The following ROBO1 variants were observed in gnomAD, a reference collection of about 807,000 sequenced individuals.
The protein encoded by ROBO1 is roundabout guidance receptor 1, also known as roundabout homolog 1.
Under a neutral mutation model 195.9 loss-of-function variants are expected in ROBO1, and 149 were observed. The ratio of observed to expected loss-of-function variants is 0.76; its 90% CI spans 0.67 to 0.87. The LOEUF (loss-of-function observed/expected upper bound fraction) is 0.87. Among genes scored for constraint, ROBO1 ranks in the 40% least tolerant of loss-of-function variants. The pLI, the probability that ROBO1 is intolerant of heterozygous loss-of-function variation, is 0.00. For synonymous variants in ROBO1, 816 were observed against 733.2 expected (o/e 1.11, Z -1.82); for missense variants, 1,933 against 2,068.3 (o/e 0.93, Z 1.27).
At chr3:79,039,072 A>T (rs2078433465) in intron 3 of ROBO1, among the ~76,000 whole-genome samples, 1 of 152,220 alleles carries the variant, frequency 6.6e-6, no homozygotes, top group Non-Finnish European at 1.5e-5. Flanking sequence ...CGATGATTGA[A>T]GACTCATTTT....
intron 2 of ROBO1, among the ~76,000 whole-genome samples, chr3:79,569,803 A>C (rs1249809093): frequency 3.3e-5 from 5 of 152,084 alleles, no homozygotes; most frequent in Non-Finnish European, 7.3e-5. Context: ...AAACTGAAAG[A>C]TAATGAGGTA....
intron 4 of ROBO1, among the ~76,000 whole-genome samples, chr3:78,849,209 C>T (rs1210910709): frequency 1.3e-5 from 2 of 152,158 alleles, no homozygotes; most frequent in South Asian, 2.1e-4. Context: ...GATGGGTGGG[C>T]AATTCCGTGG....
intron 3 of ROBO1, among the ~76,000 whole-genome samples, chr3:79,086,177 A>G (rs1170244193): frequency 6.6e-6 from 1 of 151,974 alleles, no homozygotes; most frequent in East Asian, 1.9e-4. Flanking sequence ...TATTGTATCC[A>G]AAGAAGTCCC....
intron 2 of ROBO1, among the ~76,000 whole-genome samples, chr3:79,158,104 T>C (rs181307652): frequency 6.6e-4 from 100 of 151,896 alleles, no homozygotes; most frequent in Non-Finnish European, 1.1e-3. Context: ...ACCAAGACTT[T>C]AGGGCTTCAT....
Position 78,685,836 on chromosome 3 carries a change from C to G in ROBO1, c.1252G>C (p.Val418Leu), listed in dbSNP as rs750765852. ...TAATAACCAACATCAGATCGCTGGA[C>G]ATTAGTAATTGTGAGGTCGCCAGTC... ...SQTGDLTITN[V>L]QRSDVGYYIC... Residue 418 changes from valine to leucine, a missense_variant, in exon 10 of 31, where the codon GTC becomes CTC. Transcript: ENST00000464233. 2 of 1,611,310 alleles carry G rather than the reference C, an allele frequency of 1.2e-6. No individual in the cohort carries two copies. The highest frequency in any genetic ancestry group is 1.7e-6 in the Non-Finnish European group (2 of 1,178,370).
intron 2 of ROBO1, among the ~76,000 whole-genome samples, chr3:79,584,753 A>T (rs1943774902): frequency 6.6e-6 from 1 of 150,806 alleles, no homozygotes; most frequent in Non-Finnish European, 1.5e-5. Flanking sequence ...TGCAACCTTC[A>T]CTAAGCACCA....
At chr3:79,297,304 T>C (rs1198629344) in intron 2 of ROBO1, among the ~76,000 whole-genome samples, 1 of 152,184 alleles carries the variant, frequency 6.6e-6, no homozygotes, top group Non-Finnish European at 1.5e-5. Context: ...GTCAACCCAC[T>C]ATAGAGTACA....
chr3:79,520,689 A>G (rs562307008), intron 2 of ROBO1, among the ~76,000 whole-genome samples: 10 of 152,314 alleles, frequency 6.6e-5, no homozygotes, highest in Admixed American at 1.3e-4. Flanking sequence ...GATTACACGG[A>G]TGATATAAAA....
chr3:78,680,632 G>A (rs928653229), intron 10 of ROBO1, among the ~76,000 whole-genome samples: 1,596 of 150,572 alleles, frequency 0.011, 36 homozygotes, highest in African/African-American at 0.037. Context: ...ACCACAATGA[G>A]ATACCATCTC....
intron 3 of ROBO1, among the ~76,000 whole-genome samples, chr3:79,037,948 T>C (rs2078410094): frequency 6.6e-6 from 1 of 152,182 alleles, no homozygotes; most frequent in Non-Finnish European, 1.5e-5. Flanking sequence ...AAAGTAGTTT[T>C]AAGTTTAATT....
At chr3:79,018,306 G>A in intron 3 of ROBO1, 2 of 1,367,668 alleles carry the variant, frequency 1.5e-6, no homozygotes, top group Non-Finnish European at 2.1e-6. Context: ...CCGGCCTTAG[G>A]AGGGAGGGGT....
At chr3:79,310,187 G>C (rs1174817412) in intron 2 of ROBO1, among the ~76,000 whole-genome samples, 1 of 152,050 alleles carries the variant, frequency 6.6e-6, no homozygotes, top group Admixed American at 6.6e-5. Flanking sequence ...CAACACTACT[G>C]GACCATAACA....
At chr3:79,746,901 C>G (rs925920517) in intron 1 of ROBO1, among the ~76,000 whole-genome samples, 1 of 151,966 alleles carries the variant, frequency 6.6e-6, no homozygotes, top group Non-Finnish European at 1.5e-5. Context: ...TCTAATTTAG[C>G]TTTAATTCAA....
intron 1 of ROBO1, among the ~76,000 whole-genome samples, chr3:79,689,078 T>G (rs956793129): frequency 6.6e-6 from 1 of 151,990 alleles, no homozygotes; most frequent in Non-Finnish European, 1.5e-5. Context: ...ACACGCGTTT[T>G]TTATATATAG....
chr3:79,167,929 T>G (rs1007098333), intron 2 of ROBO1, among the ~76,000 whole-genome samples: 2 of 152,208 alleles, frequency 1.3e-5, no homozygotes, highest in Non-Finnish European at 2.9e-5. Flanking sequence ...AGTTAATATA[T>G]GCATGGGAAG....
intron 3 of ROBO1, among the ~76,000 whole-genome samples, chr3:78,985,851 C>T (rs1426702211): frequency 2.0e-5 from 3 of 152,066 alleles, no homozygotes; most frequent in South Asian, 4.1e-4. Flanking sequence ...ATACATGTTG[C>T]TAAAGTATCA....
intron 2 of ROBO1, among the ~76,000 whole-genome samples, chr3:79,580,662 A>AT (rs1258074842): frequency 1.3e-5 from 2 of 152,148 alleles, no homozygotes; most frequent in African/African-American, 4.8e-5. Context: ...AAATGAATTT[A>AT]AATATATTCA....
intron 2 of ROBO1, among the ~76,000 whole-genome samples, chr3:79,584,502 T>A (rs1943758556): frequency 6.6e-6 from 1 of 151,322 alleles, no homozygotes; most frequent in Admixed American, 6.6e-5. Flanking sequence ...ACTAAATCAA[T>A]GAGCAGAGTG....
intron 3 of ROBO1, among the ~76,000 whole-genome samples, chr3:79,013,736 A>G (rs2077847909): frequency 6.6e-6 from 1 of 152,206 alleles, no homozygotes; most frequent in African/African-American, 2.4e-5. Flanking sequence ...AGGGCACAGT[A>G]ATATCTTAGA....
Sources: allele counts gnomAD v4.1 joint callset (sites outside exome capture counted in the v4.1 genomes callset), GRCh38; gene constraint gnomAD v4.1.1; transcripts MANE v1.5; gene names NCBI Gene and HGNC (gene_info 2026-07-23, HGNC 2026-07-21).